PM20D2: variants seen among roughly 807,000 people sequenced by gnomAD.
PM20D2 encodes peptidase M20 domain containing 2, also known as xaa-Arg dipeptidase.
A neutral mutation model predicts 42.9 loss-of-function variants in PM20D2; 33 were observed. The observed-to-expected ratio is 0.77, with a 90% CI of 0.58 to 1.03. The LOEUF is 1.03. Among genes scored for constraint, PM20D2 ranks in the 50% least tolerant of loss-of-function variants. PM20D2 has a pLI of 0.00. For synonymous variants in PM20D2, 250 were observed against 228.2 expected, an observed-to-expected ratio of 1.10 and a Z score of -0.86; for missense variants, 548 against 557.0, an observed-to-expected ratio of 0.98 and a Z score of 0.16.
At chr6:89,117,592 G>C in the PM20D2 span, among the ~76,000 whole-genome samples, 2 of 152,166 alleles carry the variant, frequency 1.3e-5, no homozygotes, top group South Asian at 2.1e-4. Context: ...CCCGGGACAC[G>C]ATGTGCGCGG....
At chr6:89,101,916 A>G in the PM20D2 span, among the ~76,000 whole-genome samples, 1 of 152,116 alleles carries the variant, frequency 6.6e-6, no homozygotes, top group Non-Finnish European at 1.5e-5. Context: ...AGATGTTTTC[A>G]GACAAAAGCT....
At chr6:89,152,357 A>C (rs1264255709) in intron 2 of PM20D2, among the ~76,000 whole-genome samples, 1 of 152,180 alleles carries the variant, frequency 6.6e-6, no homozygotes, top group East Asian at 1.9e-4. Flanking sequence ...TTATCAAAGC[A>C]CGTCAATCAC....
upstream of PM20D2, among the ~76,000 whole-genome samples, chr6:89,144,239 C>G (rs1582324219): frequency 2.1e-5 from 3 of 143,098 alleles, no homozygotes; most frequent in African/African-American, 7.7e-5. Flanking sequence ...CAAGTGGCAG[C>G]TTTGTTAATT....
chr6:89,106,229 C>T, the PM20D2 span, among the ~76,000 whole-genome samples: 1 of 152,134 alleles, frequency 6.6e-6, no homozygotes, highest in Non-Finnish European at 1.5e-5. Flanking sequence ...TCTCCCGCCT[C>T]AGCCTTCCAA....
chr6:89,100,310 TAAC>T, the PM20D2 span, among the ~76,000 whole-genome samples: 1 of 152,110 alleles, frequency 6.6e-6, no homozygotes, highest in Admixed American at 6.5e-5. Flanking sequence ...GAACATTAGG[TAAC>T]AACCCAGAAG....
At chr6:89,134,474 C>T in the PM20D2 span, among the ~76,000 whole-genome samples, 572 of 151,206 alleles carry the variant, frequency 3.8e-3, 36 homozygotes, top group African/African-American at 0.013. Context: ...CCCTTCAGCT[C>T]GGTCTTTCTT....
the PM20D2 span, among the ~76,000 whole-genome samples, chr6:89,140,201 G>T: frequency 6.6e-6 from 1 of 152,182 alleles, no homozygotes; most frequent in South Asian, 2.1e-4. Flanking sequence ...TCTTGCCTTG[G>T]CCTCCTAACA....
At chr6:89,105,731 G>C in the PM20D2 span, 4 of 344,534 alleles carry the variant, frequency 1.2e-5, no homozygotes, top group Non-Finnish European at 1.6e-5. Flanking sequence ...TTAGAAGAGT[G>C]AGTCTAAAAA....
chr6:89,120,126 A>T, the PM20D2 span, among the ~76,000 whole-genome samples: 1 of 152,224 alleles, frequency 6.6e-6, no homozygotes, highest in Non-Finnish European at 1.5e-5. Flanking sequence ...CAGTATGGGG[A>T]ACTGCCCCCA....
chr6:89,094,216 G>A, the PM20D2 span, among the ~76,000 whole-genome samples: 39 of 148,328 alleles, frequency 2.6e-4, no homozygotes, highest in Non-Finnish European at 4.3e-4. Context: ...CCACCGCACC[G>A]GCCTCTTTAT....
chr6:89,144,281 A>G (rs915197991), upstream of PM20D2, among the ~76,000 whole-genome samples: 4 of 151,598 alleles, frequency 2.6e-5, no homozygotes, highest in East Asian at 3.9e-4. Flanking sequence ...CAGCTTCTAT[A>G]TGAAATTATA....
At chr6:89,125,067 A>G in the PM20D2 span, among the ~76,000 whole-genome samples, 1 of 152,054 alleles carries the variant, frequency 6.6e-6, no homozygotes, top group Non-Finnish European at 1.5e-5. Flanking sequence ...GGAGATTAAG[A>G]TCAGATTTGT....
At chr6:89,126,838 C>A in the PM20D2 span, among the ~76,000 whole-genome samples, 1 of 151,944 alleles carries the variant, frequency 6.6e-6, no homozygotes, top group African/African-American at 2.4e-5. Flanking sequence ...TGATTCCATG[C>A]TTGAGGGAAA....
In PM20D2 at chr6:89,146,471, CT is replaced by C; in HGVS notation, c.329del (p.Phe110SerfsTer31). 1 of 1,524,174 alleles carries C rather than the reference CT, an allele frequency of 6.6e-7. No homozygotes were observed. Among genetic ancestry groups the C allele is most frequent in the Non-Finnish European group, 8.7e-7 (1 of 1,143,100 alleles). 94.4% of individuals were successfully genotyped at this position (1,524,174 alleles called of 1,614,324 possible). A position where few individuals can be genotyped will look rare whatever the true frequency, so the allele number is the denominator to read the frequency against. The stretch of plus-strand genomic sequence containing the variant: ...CCACGCCACGCCCGCTGCACCTGGG[CT>C]TCCTCTGCGAGTACGACGCGCTGCC... ...SATPRPLHLG[F>X]LCEYDALPGI... On this transcript the variant is annotated frameshift_variant, in exon 1 of 7. Transcript: ENST00000275072. LOFTEE classifies it high-confidence loss of function.
In PM20D2 at chr6:89,165,546, A is replaced by G. The variant is rs114571602; in HGVS notation, c.*3283A>G. The G allele has an allele frequency of 3.6e-3, 541 of 152,324 alleles. 1 individual carries two copies. The highest frequency in any genetic ancestry group is 0.012 in the African/African-American group (517 of 41,580). The allele number at this position is 152,324 out of a possible 1,614,324, so 9.4% of individuals were successfully genotyped here. A position where few individuals can be genotyped will look rare whatever the true frequency, so the allele number is the denominator to read the frequency against. On this transcript the variant is annotated 3_prime_UTR_variant, in exon 7 of 7. Transcript: ENST00000275072. ...ATAAAATGTGTATGAAAAATCTACA[A>G]TAAACATGTTTATCTGATAGCAATT...
At chr6:89,116,440 C>T in the PM20D2 span, among the ~76,000 whole-genome samples, 3 of 152,088 alleles carry the variant, frequency 2.0e-5, no homozygotes, top group African/African-American at 7.2e-5. Context: ...ATATATTAAC[C>T]ACAACATATA....
Position 89,161,899 on chromosome 6 carries a change from T to C in PM20D2, c.1156+9T>C, listed in dbSNP as rs1413461406. 6.3e-7 allele frequency: 1 copy of C among 1,593,038 alleles called. No individual in the cohort carries two copies. Among genetic ancestry groups the C allele is most frequent in the Non-Finnish European group, 8.6e-7 (1 of 1,161,104 alleles). The stretch of plus-strand genomic sequence containing the variant: ...GTACACTGAAGCTGCTGGTAAGTGT[T>C]GTTGGATGTGACTGTTTTGGCACAC... On this transcript the variant is annotated intron_variant, in intron 6 of 6. Transcript: ENST00000275072.
the PM20D2 span, among the ~76,000 whole-genome samples, chr6:89,130,950 G>C: frequency 6.7e-6 from 1 of 148,152 alleles, no homozygotes; most frequent in Admixed American, 6.9e-5. Context: ...CAATCCACTG[G>C]CCTTGGCCTC....
the PM20D2 span, among the ~76,000 whole-genome samples, chr6:89,133,888 G>A: frequency 6.6e-6 from 1 of 151,250 alleles, no homozygotes; most frequent in Non-Finnish European, 1.5e-5. Flanking sequence ...ATATGGGAGG[G>A]AAATACAATT....
Sources: gnomAD v4.1 joint callset for allele counts (sites outside exome capture counted in the v4.1 genomes callset) on GRCh38, gnomAD v4.1.1 for gene constraint, MANE v1.5 for transcripts, NCBI Gene and HGNC (gene_info 2026-07-23, HGNC 2026-07-21) for gene names.